Variants in LAMA2 observed in about 807,000 individuals in gnomAD.
LAMA2 encodes the protein laminin subunit alpha 2, also known as laminin subunit alpha-2.
A neutral mutation model predicts 364.8 loss-of-function variants in LAMA2; 269 were observed. The ratio of observed to expected loss-of-function variants is 0.74; its 90% CI spans 0.67 to 0.82. LAMA2 has a LOEUF of 0.82. LAMA2 is among the 40% of genes least tolerant of loss of function. The pLI, the probability that LAMA2 is intolerant of heterozygous loss-of-function variation, is 0.00. For missense variants in LAMA2, 3,807 were observed against 3,873.2 expected (o/e 0.98, Z 0.45); for synonymous variants, 1,379 against 1,370.6 (o/e 1.01, Z -0.14).
chr6:129,400,244 G>C (rs953171368), intron 37 of LAMA2, among the ~76,000 whole-genome samples: 9 of 152,030 alleles, frequency 5.9e-5, no homozygotes, highest in African/African-American at 2.2e-4. Flanking sequence ...ACCTCCAAAG[G>C]CCCCACTTCC....
intron 1 of LAMA2, among the ~76,000 whole-genome samples, chr6:128,910,407 C>G (rs897834181): frequency 6.6e-6 from 1 of 152,062 alleles, no homozygotes; most frequent in East Asian, 1.9e-4. Flanking sequence ...TTGCTGATAC[C>G]CTTTCTTCCA....
chr6:129,214,457 G>A (rs575932042), intron 12 of LAMA2, among the ~76,000 whole-genome samples: 2 of 152,132 alleles, frequency 1.3e-5, no homozygotes, highest in Non-Finnish European at 2.9e-5. Flanking sequence ...CCTCACTATG[G>A]ATTTTGATTG....
chr6:128,960,086 T>G (rs1781385637), intron 1 of LAMA2, among the ~76,000 whole-genome samples: 1 of 152,002 alleles, frequency 6.6e-6, no homozygotes, highest in African/African-American at 2.4e-5. Flanking sequence ...GTGATCAGAT[T>G]TTTGCCTCTG....
intron 6 of LAMA2, 43 bp downstream of exon 6, chr6:129,147,091 G>T (rs758299801): frequency 5.7e-6 from 7 of 1,237,512 alleles, no homozygotes; most frequent in South Asian, 2.4e-5. Context: ...GAAGCCCTGA[G>T]CTGTAAAATG....
At chr6:128,955,022 A>G (rs1235119940) in intron 1 of LAMA2, among the ~76,000 whole-genome samples, 2 of 151,828 alleles carry the variant, frequency 1.3e-5, no homozygotes, top group Non-Finnish European at 2.9e-5. Flanking sequence ...ACAAGGAAAT[A>G]CTAAATAACA....
rs540733583 is a variant in LAMA2 at position 128,929,714 on chromosome 6, G to A, written c.112+46357G>A. Reference sequence around the variant, plus strand: ...GGGCAATCACCCGATGAAACCTCAAGGTCAGACCTTCCCAATTCTTGTACC... The same window carrying A: ...GGGCAATCACCCGATGAAACCTCAAAGTCAGACCTTCCCAATTCTTGTACC... On this transcript the variant is annotated intron_variant, in intron 1 of 64. Coordinates refer to ENST00000421865, the MANE Select transcript of LAMA2 (RefSeq NM_000426.4). 194 of 1,393,140 alleles carry A rather than the reference G, an allele frequency of 1.4e-4. No homozygotes were observed. In the African/African-American group the frequency reaches 2.5e-3, roughly 18 times the overall value. The allele number at this position is 1,393,140 out of a possible 1,614,324, so 86.3% of individuals were successfully genotyped here.
intron 8 of LAMA2, among the ~76,000 whole-genome samples, chr6:129,155,048 TC>T (rs1779027711): frequency 6.6e-6 from 1 of 152,226 alleles, no homozygotes; most frequent in Non-Finnish European, 1.5e-5. Context: ...TTAAGATTTA[TC>T]CATGTTGTTT....
chr6:129,161,500 C>G (rs1175535274), intron 8 of LAMA2, among the ~76,000 whole-genome samples: 1 of 151,894 alleles, frequency 6.6e-6, no homozygotes, highest in Non-Finnish European at 1.5e-5. Flanking sequence ...CCTTTATTAT[C>G]TTTTTAGCAG....
chr6:129,425,421 CT>C (rs1000792269), intron 40 of LAMA2, among the ~76,000 whole-genome samples: 1 of 151,686 alleles, frequency 6.6e-6, no homozygotes, highest in Non-Finnish European at 1.5e-5. Flanking sequence ...ATTCTTTTTA[CT>C]TTTTTTTAAT....
chr6:129,346,335 C>A (rs1346831316), intron 30 of LAMA2, among the ~76,000 whole-genome samples: 1 of 152,170 alleles, frequency 6.6e-6, no homozygotes, highest in Non-Finnish European at 1.5e-5. Context: ...CAGACAATCC[C>A]TGTGAAATCT....
chr6:129,213,826 G>GTGT (rs1399225392), intron 12 of LAMA2, among the ~76,000 whole-genome samples: 1 of 152,054 alleles, frequency 6.6e-6, no homozygotes, highest in African/African-American at 2.4e-5. Flanking sequence ...TCTCTTCACA[G>GTGT]TGTCTTTCAC....
chr6:129,240,375 A>G (rs1384306188), intron 12 of LAMA2, among the ~76,000 whole-genome samples: 2 of 152,170 alleles, frequency 1.3e-5, no homozygotes, highest in Non-Finnish European at 2.9e-5. Flanking sequence ...TAATCACCAC[A>G]TTCTCCAACG....
At chr6:129,263,229 C>G (rs1049992444) in intron 15 of LAMA2, among the ~76,000 whole-genome samples, 1 of 152,100 alleles carries the variant, frequency 6.6e-6, no homozygotes, top group Non-Finnish European at 1.5e-5. Flanking sequence ...AAAATAGTGC[C>G]ATTAACAATA....
intron 58 of LAMA2, among the ~76,000 whole-genome samples, chr6:129,502,117 G>A (rs1785692656): frequency 6.6e-6 from 1 of 152,194 alleles, no homozygotes; most frequent in African/African-American, 2.4e-5. Flanking sequence ...CTAGCAACTG[G>A]CAAGGGCCTG....
At chr6:128,950,422 A>G (rs1780738823) in intron 1 of LAMA2, among the ~76,000 whole-genome samples, 1 of 152,170 alleles carries the variant, frequency 6.6e-6, no homozygotes, top group African/African-American at 2.4e-5. Context: ...AGCAGCATGG[A>G]AGATGGGTGA....
chr6:129,311,645 C>T (rs1012817687), intron 22 of LAMA2, among the ~76,000 whole-genome samples: 3 of 152,108 alleles, frequency 2.0e-5, no homozygotes, highest in African/African-American at 7.2e-5. Context: ...ATTCCAAGAT[C>T]CTAAATGACA....
At chr6:129,427,649 GCT>G in intron 40 of LAMA2, 101 bp from the exon 41 acceptor site, 1 of 800,510 alleles carries the variant, frequency 1.2e-6, no homozygotes. Flanking sequence ...GCAGCCCAGA[GCT>G]CTTTCCTAAA....
Position 129,297,827 on chromosome 6 carries a change from C to T in LAMA2, c.2999C>T (p.Ala1000Val). 6.2e-7 allele frequency: 1 copy of T among 1,613,818 alleles called. No individual in the cohort carries two copies. The highest frequency in any genetic ancestry group is 2.2e-5 in the East Asian group (1 of 44,878). ...ACAGGGAAGAAATGTGACCGCTGTG[C>T]CCACGGCTATTTCAACTTCCAAGAA... ...GVTGKKCDRC[A>V]HGYFNFQEGG... Residue 1000 changes from alanine to valine, a missense_variant, in exon 21 of 65, where the codon GCC becomes GTC. Coordinates refer to ENST00000421865, the MANE Select transcript of LAMA2 (RefSeq NM_000426.4).
At chr6:128,998,546 G>C (rs1464986798) in intron 1 of LAMA2, among the ~76,000 whole-genome samples, 2 of 101,118 alleles carry the variant, frequency 2.0e-5, no homozygotes, top group Admixed American at 8.8e-5. Flanking sequence ...TGTGCGCACC[G>C]TGCGCGAGCC....
Sources: allele counts gnomAD v4.1 joint callset (sites outside exome capture counted in the v4.1 genomes callset), GRCh38; gene constraint gnomAD v4.1.1; transcripts MANE v1.5; gene names NCBI Gene and HGNC (gene_info 2026-07-23, HGNC 2026-07-21).